CCDC7: variants seen among roughly 807,000 people sequenced by gnomAD.
CCDC7 encodes coiled-coil domain-containing protein 7.
A neutral mutation model predicts 196.9 loss-of-function variants in CCDC7; 183 were observed. The ratio of observed to expected loss-of-function variants is 0.93; its 90% confidence interval spans 0.82 to 1.05. The LOEUF (loss-of-function observed/expected upper bound fraction) is 1.05, where lower values mean the gene tolerates loss of function less well. CCDC7 is among the 50% of genes least tolerant of loss of function. CCDC7 has a pLI of 0.00. For synonymous variants in CCDC7, 525 were observed against 484.6 expected (o/e 1.08, Z -1.10); for missense variants, 1,540 against 1,482.2 (o/e 1.04, Z -0.64).
At chr10:32,828,797 T>C (rs941662259) in intron 32 of CCDC7, among the ~76,000 whole-genome samples, 27 of 152,152 alleles carry the variant, frequency 1.8e-4, no homozygotes, top group African/African-American at 6.5e-4. Flanking sequence ...GGTCCAGGAA[T>C]CATGGGGTGG....
intron 11 of CCDC7, among the ~76,000 whole-genome samples, chr10:32,542,285 G>T (rs560221237): frequency 6.6e-6 from 1 of 152,248 alleles, no homozygotes; most frequent in East Asian, 1.9e-4. Flanking sequence ...AACGATTTGA[G>T]CATAGTTTGA....
rs189552028 is a variant in CCDC7, at chr10:32,480,208, C to G, written c.796+6185C>G. 6.6e-5 allele frequency among the ~76,000 whole-genome samples: 10 copies of G among 152,012 alleles called. No individual in the cohort carries two copies. In the East Asian group the frequency reaches 1.9e-3, roughly 29 times the overall value. On this transcript the variant is annotated intron_variant, in intron 8 of 41. Transcript: ENST00000639629. Reference sequence around the variant, plus strand: ...CTATTTTATGTACTTCTGCGCTAATCTCTTATTTCCTTCCTTTTACTAACT... The same window carrying G: ...CTATTTTATGTACTTCTGCGCTAATGTCTTATTTCCTTCCTTTTACTAACT...
rs575211412 is a variant in CCDC7 at position 32,505,991 on chromosome 10, G to A, written c.873-11954G>A. On this transcript the variant is annotated intron_variant, in intron 9 of 41. Coordinates refer to ENST00000639629, the Ensembl canonical transcript of CCDC7. Reference sequence around the variant, plus strand: ...CAGAGGCGCTCCTCACTTCCCAGACGGGGTGGCCAGGCAGAGGCGCTCCTC... The same window carrying A: ...CAGAGGCGCTCCTCACTTCCCAGACAGGGTGGCCAGGCAGAGGCGCTCCTC... Among the ~76,000 whole-genome samples the A allele has an allele frequency of 2.9e-3, 428 of 148,676 alleles. 2 individuals are homozygous for A. Among genetic ancestry groups the A allele is most frequent in the African/African-American group, 0.01 (405 of 40,174 alleles).
chr10:32,627,672 C>T (rs1417034852), intron 18 of CCDC7, among the ~76,000 whole-genome samples: 1 of 151,506 alleles, frequency 6.6e-6, no homozygotes, highest in African/African-American at 2.4e-5. Context: ...TTATTGTTTA[C>T]ATACATTCCT....
chr10:32,465,324 A>G lies in CCDC7; in HGVS notation c.510+2275A>G, dbSNP rs147535264. Among the ~76,000 whole-genome samples, 14 of 152,230 alleles carry G rather than the reference A, an allele frequency of 9.2e-5. No homozygotes were observed. The East Asian group carries it at 2.7e-3, about 29-fold the overall frequency. ...TTTTTATATTCATTTACTATACACT[A>G]TGCTCTTACTTCCCAAACATTTCTC... is the stretch of plus-strand genomic sequence containing the variant. On this transcript the variant is annotated intron_variant, in intron 5 of 41. Transcript: ENST00000639629.
chr10:32,604,879 T>C (rs2061413842), intron 18 of CCDC7, among the ~76,000 whole-genome samples: 1 of 152,192 alleles, frequency 6.6e-6, no homozygotes, highest in Non-Finnish European at 1.5e-5. Context: ...AAAGTGACAA[T>C]TTGTCATCTT....
intron 18 of CCDC7, among the ~76,000 whole-genome samples, chr10:32,611,050 G>A (rs2062071663): frequency 6.6e-6 from 1 of 152,122 alleles, no homozygotes; most frequent in Non-Finnish European, 1.5e-5. Context: ...TGGTGTAAAA[G>A]CCTTCCTGTT....
At chr10:32,493,932 A>T (rs932869304) in intron 9 of CCDC7, among the ~76,000 whole-genome samples, 1 of 152,044 alleles carries the variant, frequency 6.6e-6, no homozygotes, top group African/African-American at 2.4e-5. Context: ...TACATCTTGG[A>T]TATTAAACTC....
At position 32,728,778 on chromosome 10, in the gene CCDC7, G is replaced by A. The variant is rs1295130452; in HGVS notation, c.2669-109G>A. ...TTATTCTATTTTTGTGTCAGATCTA[G>A]CATTATGGTAATTTACTTATAACTT... On this transcript the variant is annotated intron_variant, in intron 26 of 41. Coordinates refer to ENST00000639629, the Ensembl canonical transcript of CCDC7. 5 of 553,826 alleles carry A rather than the reference G, an allele frequency of 9.0e-6. No homozygotes were observed. In the South Asian group the frequency reaches 1.2e-4, roughly 13 times the overall value. The allele number at this position is 553,826 out of a possible 1,614,324, so 34.3% of individuals were successfully genotyped here. A position where few individuals can be genotyped will look rare whatever the true frequency, so the allele number is the denominator to read the frequency against.
chr10:32,554,804 A>T (rs1235096824), intron 13 of CCDC7, among the ~76,000 whole-genome samples: 2 of 152,042 alleles, frequency 1.3e-5, no homozygotes, highest in Admixed American at 1.3e-4. Flanking sequence ...GATCTTACTC[A>T]TTCTTTCTAA....
At chr10:32,804,367 T>G (rs896616504) in intron 29 of CCDC7, among the ~76,000 whole-genome samples, 4 of 152,318 alleles carry the variant, frequency 2.6e-5, no homozygotes, top group African/African-American at 9.6e-5. Flanking sequence ...TTCTGCAAAT[T>G]TAATCATATC....
At chr10:32,569,558 C>G (rs1396490151) in intron 15 of CCDC7, among the ~76,000 whole-genome samples, 1 of 152,132 alleles carries the variant, frequency 6.6e-6, no homozygotes, top group East Asian at 1.9e-4. Context: ...TGCCAAGTAG[C>G]TGAGATTACA....
intron 31 of CCDC7, among the ~76,000 whole-genome samples, chr10:32,820,191 A>C (rs1215936431): frequency 6.6e-6 from 1 of 152,084 alleles, no homozygotes; most frequent in Non-Finnish European, 1.5e-5. Flanking sequence ...AAGCCAAATC[A>C]TGAGTGAACT....
intron 30 of CCDC7, among the ~76,000 whole-genome samples, chr10:32,808,825 A>G (rs1002224425): frequency 1.3e-5 from 2 of 151,802 alleles, no homozygotes; most frequent in African/African-American, 4.8e-5. Context: ...TTATAGCTGA[A>G]AAAAAAAATT....
chr10:32,511,537 C>A, intron 9 of CCDC7: 1 of 1,608,498 alleles, frequency 6.2e-7, no homozygotes. Flanking sequence ...CCAAATAAAC[C>A]CAAAACATTG....
At chr10:32,770,741 A>G (rs2134070115) in intron 28 of CCDC7, among the ~76,000 whole-genome samples, 1 of 152,122 alleles carries the variant, frequency 6.6e-6, no homozygotes, top group Admixed American at 6.5e-5. Context: ...TTGTTTTGCT[A>G]TCTTATGATG....
intron 8 of CCDC7, among the ~76,000 whole-genome samples, chr10:32,483,609 T>A (rs1314131568): frequency 6.6e-6 from 1 of 152,248 alleles, no homozygotes; most frequent in Non-Finnish European, 1.5e-5. Context: ...GGTTTTCTTC[T>A]AGGGTTTTTA....
intron 18 of CCDC7, among the ~76,000 whole-genome samples, chr10:32,605,242 C>T (rs2061452983): frequency 6.6e-6 from 1 of 152,132 alleles, no homozygotes; most frequent in East Asian, 1.9e-4. Flanking sequence ...GCTTCCTGGA[C>T]ACCTGAAGAA....
chr10:32,456,991 C>T (rs961838986), intron 3 of CCDC7, among the ~76,000 whole-genome samples: 1 of 151,370 alleles, frequency 6.6e-6, no homozygotes, highest in Non-Finnish European at 1.5e-5. Flanking sequence ...CTAGCATTTC[C>T]TTGTGGTGGG....
Sources: gnomAD v4.1 joint callset for allele counts (sites outside exome capture counted in the v4.1 genomes callset) on GRCh38, gnomAD v4.1.1 for gene constraint, MANE v1.5 for transcripts, NCBI Gene and HGNC (gene_info 2026-07-23, HGNC 2026-07-21) for gene names.